Variants in VEGFD observed in about 807,000 individuals in gnomAD.
The protein encoded by VEGFD is c-fos induced growth factor (vascular endothelial growth factor D).
VEGFD carries 26 observed loss-of-function variants against 28.0 expected under a neutral mutation model. The observed-to-expected ratio is 0.93, with a 90% CI of 0.68 to 1.29. VEGFD has a LOEUF of 1.29. Ranked by LOEUF, VEGFD falls within the 50% of genes most tolerant of loss-of-function variation. The pLI is 0.00. For missense variants in VEGFD, 294 were observed against 273.4 expected, an observed-to-expected ratio of 1.08 and a Z score of -0.53; for synonymous variants, 93 against 95.5, an observed-to-expected ratio of 0.97 and a Z score of 0.15.
rs78901600 is a variant in VEGFD at position 15,358,172 on chromosome X, C to T, written c.323G>A (p.Arg108Lys). 1,294 of 1,206,464 alleles carry T rather than the reference C, an allele frequency of 1.1e-3. 32 individuals are homozygous for T. The East Asian group carries it at 0.038, about 35-fold the overall frequency. ...CGTTTCTCTAGGGCTGCACTGAGTT[C>T]TTTGCCATTCTTCATCTATAACTGC... ...TLKVIDEEWQRTQCSPRETCV... is the reference protein window; with the variant it reads ...TLKVIDEEWQKTQCSPRETCV... The change falls in exon 3 of 7, where the codon AGA becomes AAA. Residue 108 changes from arginine to lysine, a missense_variant. Coordinates refer to ENST00000297904, the MANE Select transcript of VEGFD (RefSeq NM_004469.5).
chrX:15,353,644 G>A (rs960831407), intron 4 of VEGFD, among the ~76,000 whole-genome samples: 1 of 110,986 alleles, frequency 9.0e-6, no homozygotes, highest in Non-Finnish European at 1.9e-5. Context: ...GAAGGCTGAG[G>A]CAGGAGAATC....
intron 5 of VEGFD, among the ~76,000 whole-genome samples, chrX:15,351,038 T>A (rs1194661093): frequency 8.9e-5 from 7 of 78,519 alleles, no homozygotes; most frequent in African/African-American, 3.9e-4. Context: ...TTTTTTTTTT[T>A]TTTTTTTTTT....
intron 1 of VEGFD, among the ~76,000 whole-genome samples, chrX:15,371,747 T>C (rs1180840459): frequency 8.9e-6 from 1 of 112,348 alleles, no homozygotes; most frequent in Non-Finnish European, 1.9e-5. Context: ...TTACAGCTAG[T>C]GCATTGTGCT....
At chrX:15,382,951 A>G (rs775010979) in intron 1 of VEGFD, among the ~76,000 whole-genome samples, 2 of 111,840 alleles carry the variant, frequency 1.8e-5, no homozygotes, top group Admixed American at 1.9e-4. Context: ...TGCGTGATGT[A>G]TCAAAAGGGT....
At chrX:15,356,552 A>G (rs970650847) in intron 3 of VEGFD, among the ~76,000 whole-genome samples, 3 of 112,222 alleles carry the variant, frequency 2.7e-5, no homozygotes, top group African/African-American at 9.7e-5. Flanking sequence ...GGTTGTGTTT[A>G]TTCTGACATC....
At chrX:15,364,129 A>G (rs1325547257) in intron 1 of VEGFD, among the ~76,000 whole-genome samples, 1 of 112,122 alleles carries the variant, frequency 8.9e-6, no homozygotes. Context: ...ACCTGACTAC[A>G]GTCACAAAAA....
Position 15,357,950 on chromosome X carries a change from AC to A in VEGFD, c.492+52del, listed in dbSNP as rs138966170. The A allele has an allele frequency of 2.3e-3, 2,497 of 1,071,431 alleles. 4 individuals are homozygous for A. Among genetic ancestry groups the A allele is most frequent in the Non-Finnish European group, 3.0e-3 (2,333 of 785,973 alleles). 88.3% of individuals were successfully genotyped at this position (1,071,431 alleles called of 1,213,427 possible). ...AGCAACAAGGTTGTTGTAGCTATCA[AC>A]ACTATTATCATCAGGGCTTTAGAGA... is the stretch of plus-strand genomic sequence containing the variant. On this transcript the variant is annotated intron_variant, in intron 3 of 6. Transcript: ENST00000297904.
chrX:15,355,271 A>G lies in VEGFD; in HGVS notation c.520T>C (p.Ser174Pro). ...TTAACAGGCACTAATTCAGGTACTGATGTCAAAGGCACTGATATCTCAAAG... is the reference window on the plus strand; with the variant it reads ...TTAACAGGCACTAATTCAGGTACTGGTGTCAAAGGCACTGATATCTCAAAG... The part of the protein sequence containing the change: ...QLFEISVPLT[S>P]VPELVPVKVA... The change falls in exon 4 of 7, where the codon TCA becomes CCA. Residue 174 changes from serine (S) to proline (P), a missense_variant. By Grantham distance (74) the Ser-to-Pro change is moderately conservative (BLOSUM62 -1). Transcript: ENST00000297904. 8.3e-7 allele frequency: 1 copy of G among 1,197,826 alleles called. No homozygotes were observed. Among genetic ancestry groups the G allele is most frequent in the South Asian group, 1.9e-5 (1 of 52,894 alleles).
chrX:15,368,330 G>C (rs959354728), intron 1 of VEGFD, among the ~76,000 whole-genome samples: 7 of 112,102 alleles, frequency 6.2e-5, no homozygotes, highest in African/African-American at 2.3e-4. Context: ...TAATTAAATG[G>C]CTCATACAAC....
At chrX:15,376,896 G>C (rs761632378) in intron 1 of VEGFD, among the ~76,000 whole-genome samples, 5 of 111,862 alleles carry the variant, frequency 4.5e-5, no homozygotes, top group African/African-American at 6.5e-5. Context: ...GGAACAGTAA[G>C]TAACAGCAAG....
At chrX:15,382,120 A>G (rs1046328568) in intron 1 of VEGFD, among the ~76,000 whole-genome samples, 6 of 111,199 alleles carry the variant, frequency 5.4e-5, no homozygotes, top group African/African-American at 1.6e-4. Context: ...GGAGATCGAG[A>G]CCATCCTGGC....
intron 2 of VEGFD, among the ~76,000 whole-genome samples, chrX:15,359,424 C>CGT (rs1309515103): frequency 1.1e-5 from 1 of 91,047 alleles, no homozygotes; most frequent in African/African-American, 4.2e-5. Flanking sequence ...ATGTGCAGAA[C>CGT]GTGCAGGTTT....
At chrX:15,355,879 C>G (rs985602533) in intron 3 of VEGFD, among the ~76,000 whole-genome samples, 1 of 112,093 alleles carries the variant, frequency 8.9e-6, no homozygotes, top group Non-Finnish European at 1.9e-5. Context: ...TGGACTCACA[C>G]TGCAGCTTAG....
chrX:15,365,242 C>T (rs1923117160), intron 1 of VEGFD, among the ~76,000 whole-genome samples: 2 of 111,628 alleles, frequency 1.8e-5, no homozygotes, highest in Admixed American at 1.9e-4. Flanking sequence ...AAGCGATTCT[C>T]CTGCCTCAGC....
In VEGFD at chrX:15,382,829, C is replaced by A. The variant is rs770531797; in HGVS notation, c.90+1028G>T. Among the ~76,000 whole-genome samples the A allele has an allele frequency of 4.5e-5, 5 of 111,797 alleles. No individual in the cohort carries two copies. The South Asian group carries it at 1.9e-3, about 42-fold the overall frequency. ...ACATTTTTAAATATCAGCCCCCACC[C>A]TCGCCAGGCCACCAACACCAGCCAG... On this transcript the variant is annotated intron_variant, in intron 1 of 6. Transcript: ENST00000297904.
At chrX:15,369,850 A>G (rs752406395) in intron 1 of VEGFD, among the ~76,000 whole-genome samples, 1 of 112,002 alleles carries the variant, frequency 8.9e-6, no homozygotes, top group African/African-American at 3.2e-5. Context: ...TAAAAAGAGG[A>G]AGGACTGGAG....
chrX:15,365,287 C>T (rs964622596), intron 1 of VEGFD, among the ~76,000 whole-genome samples: 8 of 111,458 alleles, frequency 7.2e-5, no homozygotes, highest in Non-Finnish European at 1.5e-4. Context: ...AGCCTGCCAC[C>T]ATGCCCGGCT....
intron 6 of VEGFD, among the ~76,000 whole-genome samples, chrX:15,346,699 C>T (rs999997634): frequency 3.6e-5 from 4 of 111,692 alleles, no homozygotes; most frequent in East Asian, 5.6e-4. Flanking sequence ...TTTGGGAGGC[C>T]GAGACGGGTG....
At chrX:15,368,210 A>C (rs1312472893) in intron 1 of VEGFD, among the ~76,000 whole-genome samples, 1 of 111,509 alleles carries the variant, frequency 9.0e-6, no homozygotes, top group Admixed American at 9.5e-5. Flanking sequence ...AGGCAGATGT[A>C]TGGTTTTATT....
Sources: allele counts gnomAD v4.1 joint callset (sites outside exome capture counted in the v4.1 genomes callset), GRCh38; gene constraint gnomAD v4.1.1; transcripts MANE v1.5; gene names NCBI Gene and HGNC (gene_info 2026-07-23, HGNC 2026-07-21).